Variants in TEAD1 observed in about 807,000 individuals in gnomAD.
TEAD1 encodes transcriptional enhancer factor TEF-1.
Under a neutral mutation model 54.9 loss-of-function variants are expected in TEAD1, and 9 were observed. The ratio of observed to expected loss-of-function variants is 0.16; its 90% confidence interval spans 0.10 to 0.29. The LOEUF is 0.29. Ranked by LOEUF, TEAD1 falls within the 10% of genes least tolerant of loss-of-function variation. TEAD1 has a pLI of 1.00. For missense variants in TEAD1, 387 were observed against 535.9 expected (o/e 0.72, Z 2.74); for synonymous variants, 200 against 187.8 (o/e 1.07, Z -0.53).
At chr11:12,802,702 G>A (rs1434685870) in intron 3 of TEAD1, among the ~76,000 whole-genome samples, 1 of 152,138 alleles carries the variant, frequency 6.6e-6, no homozygotes, top group East Asian at 1.9e-4. Context: ...GCATGTGGCC[G>A]ACCCGACCGG....
chr11:12,771,351 G>GT (rs1306512837), intron 3 of TEAD1, among the ~76,000 whole-genome samples: 2 of 152,196 alleles, frequency 1.3e-5, no homozygotes, highest in Non-Finnish European at 2.9e-5. Flanking sequence ...ATCTGAAGGC[G>GT]TGAAGACAAG....
intron 10 of TEAD1, among the ~76,000 whole-genome samples, chr11:12,920,372 T>TAAAA (rs1201689213): frequency 5.9e-5 from 9 of 152,232 alleles, no homozygotes; most frequent in Admixed American, 2.6e-4. Context: ...AGATTATTTT[T>TAAAA]TCTGTTTTAA....
At chr11:12,802,778 A>C (rs895718907) in intron 3 of TEAD1, among the ~76,000 whole-genome samples, 5 of 152,200 alleles carry the variant, frequency 3.3e-5, no homozygotes, top group African/African-American at 1.2e-4. Context: ...GCTCACTCGG[A>C]GATACCGAGG....
chr11:12,701,255 G>C (rs965306613), intron 2 of TEAD1, among the ~76,000 whole-genome samples: 6 of 151,786 alleles, frequency 4.0e-5, no homozygotes, highest in African/African-American at 1.5e-4. Context: ...GCTTCCTCTG[G>C]TTATCAGCTT....
In TEAD1 at chr11:12,848,167, C is replaced by T. The variant is rs374063805; in HGVS notation, c.203-14083C>T. 4.3e-4 allele frequency among the ~76,000 whole-genome samples: 66 copies of T among 152,308 alleles called. No individual in the cohort carries two copies. In the East Asian group the frequency reaches 7.3e-3, roughly 17 times the overall value. On this transcript the variant is annotated intron_variant, in intron 3 of 12. Transcript: ENST00000527636. ...TTTGGCTTCTAGCCTCATTTCTCTT[C>T]CTAGACCATAAACTCCTTGAGGGCA...
At chr11:12,910,816 G>A (rs75668476) in intron 10 of TEAD1, among the ~76,000 whole-genome samples, 3 of 140,846 alleles carry the variant, frequency 2.1e-5, no homozygotes, top group East Asian at 2.1e-4. Context: ...GCACAGTCTC[G>A]GCTCACTGCA....
intron 2 of TEAD1, among the ~76,000 whole-genome samples, chr11:12,729,715 G>T (rs1944382344): frequency 6.6e-6 from 1 of 152,184 alleles, no homozygotes; most frequent in Non-Finnish European, 1.5e-5. Context: ...TGAGATGCTA[G>T]CATTAAAGTT....
intron 2 of TEAD1, among the ~76,000 whole-genome samples, chr11:12,676,758 A>G (rs541453594): frequency 6.6e-6 from 1 of 152,102 alleles, no homozygotes; most frequent in African/African-American, 2.4e-5. Flanking sequence ...GGTCACAGAT[A>G]TTTTTCTTTA....
chr11:12,826,881 A>T (rs1296691884), intron 3 of TEAD1, among the ~76,000 whole-genome samples: 4 of 149,344 alleles, frequency 2.7e-5, no homozygotes, highest in African/African-American at 4.9e-5. Flanking sequence ...GTCTTATCTT[A>T]AAAAAGTTTT....
At chr11:12,901,069 G>T (rs1043203559) in intron 9 of TEAD1, among the ~76,000 whole-genome samples, 3 of 152,148 alleles carry the variant, frequency 2.0e-5, no homozygotes, top group African/African-American at 7.2e-5. Context: ...GCCTCTCTCA[G>T]GGATTCCAGT....
At chr11:12,738,074 G>T (rs2133888440) in intron 2 of TEAD1, among the ~76,000 whole-genome samples, 1 of 152,280 alleles carries the variant, frequency 6.6e-6, no homozygotes, top group African/African-American at 2.4e-5. Context: ...TTGCCCCCAT[G>T]ATTCACTTAT....
chr11:12,867,601 T>C (rs1021250697), intron 5 of TEAD1, among the ~76,000 whole-genome samples: 2 of 152,278 alleles, frequency 1.3e-5, no homozygotes, highest in African/African-American at 4.8e-5. Context: ...ATTACCAGGA[T>C]ATGGGCTCAA....
intron 3 of TEAD1, among the ~76,000 whole-genome samples, chr11:12,794,669 G>C (rs923362272): frequency 6.6e-6 from 1 of 152,166 alleles, no homozygotes; most frequent in Non-Finnish European, 1.5e-5. Flanking sequence ...CCTCTGTGGC[G>C]AGCCGGGCCT....
intron 2 of TEAD1, among the ~76,000 whole-genome samples, chr11:12,733,417 G>C (rs182912524): frequency 1.9e-3 from 286 of 152,260 alleles, no homozygotes; most frequent in African/African-American, 6.5e-3. Context: ...TTGATTAACT[G>C]AAAGGGAAAT....
At chr11:12,727,991 G>GAA (rs1035197640) in intron 2 of TEAD1, among the ~76,000 whole-genome samples, 7 of 151,904 alleles carry the variant, frequency 4.6e-5, no homozygotes, top group Non-Finnish European at 8.8e-5. Context: ...ACTGTTTCCT[G>GAA]AAAACCTGGG....
At position 12,924,968 on chromosome 11, in the gene TEAD1, T is replaced by C; in HGVS notation, c.930T>C (p.Ser310=). The C allele has an allele frequency of 6.2e-7, 1 of 1,614,172 alleles. No homozygotes were observed. The stretch of plus-strand genomic sequence containing the variant: ...CTGGGGCTTTTTATGGTGTAACCAG[T>C]CAGTACGAGAGTTCTGAAAATATGA... Residue 310 remains serine, a synonymous_variant, in exon 11 of 13, where the codon AGT becomes AGC. Coordinates refer to ENST00000527636, the MANE Select transcript of TEAD1 (RefSeq NM_021961.6).
chr11:12,858,565 A>T (rs1947438429), intron 3 of TEAD1, among the ~76,000 whole-genome samples: 1 of 152,246 alleles, frequency 6.6e-6, no homozygotes, highest in Non-Finnish European at 1.5e-5. Flanking sequence ...TTAAGGGAAG[A>T]TTTTATAATT....
At chr11:12,700,649 C>G (rs1454286377) in intron 2 of TEAD1, among the ~76,000 whole-genome samples, 1 of 152,128 alleles carries the variant, frequency 6.6e-6, no homozygotes, top group Non-Finnish European at 1.5e-5. Flanking sequence ...TCTTAACTCT[C>G]ATTTATTTTC....
intron 3 of TEAD1, among the ~76,000 whole-genome samples, chr11:12,794,835 A>G (rs964894603): frequency 5.3e-5 from 8 of 152,332 alleles, no homozygotes; most frequent in African/African-American, 1.2e-4. Flanking sequence ...CTCAGCAGCT[A>G]CTTTTCCTTT....
Sources: gnomAD v4.1 joint callset for allele counts (sites outside exome capture counted in the v4.1 genomes callset) on GRCh38, gnomAD v4.1.1 for gene constraint, MANE v1.5 for transcripts, NCBI Gene and HGNC (gene_info 2026-07-23, HGNC 2026-07-21) for gene names.